Variants in CCND2 observed in about 807,000 individuals in gnomAD.
CCND2 encodes the protein cyclin D2, also known as G1/S-specific cyclin-D2.
Under a neutral mutation model 30.2 loss-of-function variants are expected in CCND2, and 6 were observed. That is an observed-to-expected ratio of 0.20 (90% confidence interval 0.11 to 0.39). The LOEUF is 0.39. Among genes scored for constraint, CCND2 ranks in the 10% least tolerant of loss-of-function variants. The pLI is 1.00. For missense variants in CCND2, 235 were observed against 373.4 expected (o/e 0.63, Z 3.06); for synonymous variants, 150 against 153.1 (o/e 0.98, Z 0.15).
At position 4,285,417 on chromosome 12, in the gene CCND2, C is replaced by A. The variant is rs1864009433; in HGVS notation, c.572-3425C>A. ...ATTTTTGATCAAGAGACTTAACAGA[C>A]TGCTGAGAAATTTGTACCTGGTTTT... On this transcript the variant is annotated intron_variant, in intron 3 of 4. Coordinates refer to ENST00000261254, the MANE Select transcript of CCND2 (RefSeq NM_001759.4). The surrounding 1 kb of genome is among the most constrained non-coding windows in gnomAD (Gnocchi z 4.1). 1.0e-6 allele frequency: 1 copy of A among 985,392 alleles called. No individual in the cohort carries two copies. Among genetic ancestry groups the A allele is most frequent in the Admixed American group, 6.1e-5 (1 of 16,290 alleles). 61.0% of individuals were successfully genotyped at this position (985,392 alleles called of 1,614,324 possible). A position where few individuals can be genotyped will look rare whatever the true frequency, so the allele number is the denominator to read the frequency against.
At chr12:4,294,590 T>C (rs1330835729) in intron 4 of CCND2, among the ~76,000 whole-genome samples, 1 of 152,152 alleles carries the variant, frequency 6.6e-6, no homozygotes, top group Admixed American at 6.6e-5. Context: ...TGTCTTTACT[T>C]AGAGCTTAGA....
intron 4 of CCND2, among the ~76,000 whole-genome samples, chr12:4,295,310 G>A (rs577574899): frequency 2.6e-4 from 40 of 152,340 alleles, no homozygotes; most frequent in Admixed American, 5.9e-4. Context: ...GTCAAGTTTC[G>A]TGGAAGTGGA....
chr12:4,286,615 C>T, intron 3 of CCND2, among the ~76,000 whole-genome samples: 1 of 152,224 alleles, frequency 6.6e-6, no homozygotes, highest in East Asian at 1.9e-4. Flanking sequence ...AGTTCATGCA[C>T]ATAGTGCTCC....
chr12:4,285,194 C>T lies in CCND2; in HGVS notation c.572-3648C>T. The T allele has an allele frequency of 5.7e-6, 4 of 699,088 alleles. No homozygotes were observed. The highest frequency in any genetic ancestry group is 7.0e-6 in the Non-Finnish European group (4 of 568,566). 43.3% of individuals were successfully genotyped at this position (699,088 alleles called of 1,614,324 possible). A position where few individuals can be genotyped will look rare whatever the true frequency, so the allele number is the denominator to read the frequency against. On this transcript the variant is annotated intron_variant, in intron 3 of 4. Coordinates refer to ENST00000261254, the MANE Select transcript of CCND2 (RefSeq NM_001759.4). The surrounding 1 kb of genome is among the most constrained non-coding windows in gnomAD (Gnocchi z 4.1). ...GTTTTGGGGGGAGTCCTCCATGCTG[C>T]CTGGAACAGGGAGGAGCACATTGTC...
Position 4,289,000 on chromosome 12 carries a change from C to T in CCND2, c.720+10C>T. ...CACCAACACAGACGTGGTAGGTGGC[C>T]ACCACCTTCTTGGCTAAGTCCAGAT... is the stretch of plus-strand genomic sequence containing the variant. On this transcript the variant is annotated intron_variant, in intron 4 of 4. Coordinates refer to ENST00000261254, the MANE Select transcript of CCND2 (RefSeq NM_001759.4). The T allele has an allele frequency of 6.2e-7, 1 of 1,604,992 alleles. No individual in the cohort carries two copies. Among genetic ancestry groups the T allele is most frequent in the Admixed American group, 1.7e-5 (1 of 58,550 alleles).
Position 4,276,157 on chromosome 12 carries a change from C to G in CCND2, c.348C>G (p.Ser116Arg), listed in dbSNP as rs773652105. ...TGGCCTCCAAACTCAAAGAGACCAG[C>G]CCGCTGACCGCGGAGAAGCTGTGCA... ...MFLASKLKET[S>R]PLTAEKLCIY... is the part of the protein sequence containing the mutation. The change falls in exon 2 of 5, where the codon AGC becomes AGG. Residue 116 changes from serine (S) to arginine (R), a missense_variant. By Grantham distance (110) the Ser-to-Arg change is moderately radical. Coordinates refer to ENST00000261254, the MANE Select transcript of CCND2 (RefSeq NM_001759.4). The surrounding 1 kb of genome is among the most constrained non-coding windows in gnomAD (Gnocchi z 4.8). 1.2e-6 allele frequency: 2 copies of G among 1,614,264 alleles called. No homozygotes were observed. Among genetic ancestry groups the G allele is most frequent in the Admixed American group, 3.3e-5 (2 of 60,032 alleles).
intron 1 of CCND2, chr12:4,275,091 A>AG (rs1863848179): frequency 6.6e-6 from 1 of 151,570 alleles, no homozygotes; most frequent in African/African-American, 2.4e-5. Flanking sequence ...GGGTGTGTGT[A>AG]GGGGGGATAC....
chr12:4,301,308 G>GATAGAT lies in CCND2; in HGVS notation c.*1300_*1305dup. On this transcript the variant is annotated 3_prime_UTR_variant, in exon 5 of 5. Coordinates refer to ENST00000261254, the MANE Select transcript of CCND2 (RefSeq NM_001759.4). ...AAAGAAAAGTTATTGCTGGTGCAAA[G>GATAGAT]ATAGATGGCTGAACATCAGGGTGTG... The GATAGAT allele has an allele frequency of 4.3e-6, 1 of 233,010 alleles. No individual in the cohort carries two copies. Among genetic ancestry groups the GATAGAT allele is most frequent in the Non-Finnish European group, 8.5e-6 (1 of 117,918 alleles). The allele number at this position is 233,010 out of a possible 1,614,324, so 14.4% of individuals were successfully genotyped here.
At chr12:4,298,932 A>G (rs1864210626) in intron 4 of CCND2, among the ~76,000 whole-genome samples, 1 of 152,210 alleles carries the variant, frequency 6.6e-6, no homozygotes, top group Admixed American at 6.5e-5. Context: ...ACTGATACTA[A>G]AGCAAGGCTG....
chr12:4,297,171 C>CT, intron 4 of CCND2, among the ~76,000 whole-genome samples: 1 of 14,216 alleles, frequency 7.0e-5, no homozygotes, highest in South Asian at 0.01. Flanking sequence ...TCACTTTGTG[C>CT]CTTAACCCCC....
intron 3 of CCND2, 63 bp from the exon 4 acceptor site, chr12:4,288,779 C>A: frequency 5.2e-6 from 8 of 1,530,958 alleles, no homozygotes; most frequent in Non-Finnish European, 7.1e-6. Context: ...TCTCTGCAGT[C>A]TCGGGAGCTC....
In CCND2 at chr12:4,302,156, G is replaced by A. The variant is rs1391994892; in HGVS notation, c.*2147G>A. 4.3e-6 allele frequency: 1 copy of A among 233,056 alleles called. No homozygotes were observed. 14.4% of individuals were successfully genotyped at this position (233,056 alleles called of 1,614,324 possible). ...TGACTCCCTCTCAGGTGGAAGGCAG[G>A]GCGGTCTCACTCCCAGGGACCTTTT... On this transcript the variant is annotated 3_prime_UTR_variant, in exon 5 of 5. Coordinates refer to ENST00000261254, the MANE Select transcript of CCND2 (RefSeq NM_001759.4).
chr12:4,274,032 G>C lies in CCND2; in HGVS notation c.-9G>C. 1 of 1,606,800 alleles carries C rather than the reference G, an allele frequency of 6.2e-7. No homozygotes were observed. Among genetic ancestry groups the C allele is most frequent in the Non-Finnish European group, 8.5e-7 (1 of 1,176,242 alleles). On this transcript the variant is annotated 5_prime_UTR_variant, in exon 1 of 5. Coordinates refer to ENST00000261254, the MANE Select transcript of CCND2 (RefSeq NM_001759.4). This position sits in a 1 kb window ranked among gnomAD's most constrained non-coding sequence, Gnocchi z 7.7. ...GAAAGCAGGAGGGAGAGGGGCCGCC[G>C]GGCTGGCCATGGAGCTGCTGTGCCA...
chr12:4,302,709 T>A lies in CCND2; in HGVS notation c.*2700T>A, dbSNP rs1864267943. On this transcript the variant is annotated 3_prime_UTR_variant, in exon 5 of 5. Coordinates refer to ENST00000261254, the MANE Select transcript of CCND2 (RefSeq NM_001759.4). ...ATAAGAAAAATAGGTCAGATAAGTA[T>A]GGGATGATAGTTGAAGGGAGGTGAA... 4.3e-6 allele frequency: 1 copy of A among 233,224 alleles called. No homozygotes were observed. Among genetic ancestry groups the A allele is most frequent in the South Asian group, 1.8e-4 (1 of 5,520 alleles). The allele number at this position is 233,224 out of a possible 1,614,324, so 14.4% of individuals were successfully genotyped here.
At chr12:4,297,823 G>T (rs1038763112) in intron 4 of CCND2, 1 of 452,782 alleles carries the variant, frequency 2.2e-6, no homozygotes, top group Non-Finnish European at 4.5e-6. Context: ...CGTCTGAGAG[G>T]TGTTAGCAAG....
chr12:4,287,974 A>G lies in CCND2; in HGVS notation c.572-868A>G, dbSNP rs891417792. 3.9e-5 allele frequency among the ~76,000 whole-genome samples: 6 copies of G among 152,190 alleles called. No homozygotes were observed. Among genetic ancestry groups the G allele is most frequent in the African/African-American group, 1.4e-4 (6 of 41,450 alleles). ...CCTCATTCTGCACTTCCCTGTAGCAAGTCACATTTTTTTCTCTTAGCAATA... is the reference window on the plus strand; with the variant it reads ...CCTCATTCTGCACTTCCCTGTAGCAGGTCACATTTTTTTCTCTTAGCAATA... On this transcript the variant is annotated intron_variant, in intron 3 of 4. Transcript: ENST00000261254. The surrounding 1 kb of genome is among the most constrained non-coding windows in gnomAD (Gnocchi z 4.0).
chr12:4,298,286 G>A (rs976221696), intron 4 of CCND2, among the ~76,000 whole-genome samples: 2 of 152,340 alleles, frequency 1.3e-5, no homozygotes, highest in African/African-American at 4.8e-5. Flanking sequence ...GTCTGTGGTT[G>A]TTCCTAATCT....
At position 4,301,754 on chromosome 12, in the gene CCND2, T is replaced by C. The variant is rs1864253239; in HGVS notation, c.*1745T>C. On this transcript the variant is annotated 3_prime_UTR_variant, in exon 5 of 5. Transcript: ENST00000261254. The stretch of plus-strand genomic sequence containing the variant: ...CTTATTCACGTTGACAGTACCTAGC[T>C]GTAATGTTTCACAGAGTGTGCTGCT... The C allele has an allele frequency of 4.8e-6, 1 of 210,240 alleles. No individual in the cohort carries two copies. The highest frequency in any genetic ancestry group is 7.1e-5 in the East Asian group (1 of 14,040). 13.0% of individuals were successfully genotyped at this position (210,240 alleles called of 1,614,324 possible).
rs71061177 is a variant in CCND2, at chr12:4,297,570, CAAAA to C, written c.721-2266_721-2263del. On this transcript the variant is annotated intron_variant, in intron 4 of 4. Coordinates refer to ENST00000261254, the MANE Select transcript of CCND2 (RefSeq NM_001759.4). ...TGGGCGACAGAGCAACACTCTGTCTCAAAAAAAAAAAAAAAAAAAAAAAAAAACA... is the reference window on the plus strand; with the variant it reads ...TGGGCGACAGAGCAACACTCTGTCTCAAAAAAAAAAAAAAAAAAAAAAACA... 6.0e-3 allele frequency among the ~76,000 whole-genome samples: 451 copies of C among 74,686 alleles called. 5 individuals are homozygous for C. The highest frequency in any genetic ancestry group is 0.025 in the African/African-American group (410 of 16,166). The allele number at this position is 74,686 out of a possible 152,430, so 49.0% of individuals were successfully genotyped here. A position where few individuals can be genotyped will look rare whatever the true frequency, so the allele number is the denominator to read the frequency against.
Sources: gnomAD v4.1 joint callset for allele counts (sites outside exome capture counted in the v4.1 genomes callset) on GRCh38, gnomAD v4.1.1 for gene constraint, Gnocchi (gnomAD v3.1) non-coding constraint, MANE v1.5 for transcripts, NCBI Gene and HGNC (gene_info 2026-07-23, HGNC 2026-07-21) for gene names.